The following SLC16A7 variants were observed in gnomAD, a reference collection of about 807,000 sequenced individuals.
SLC16A7 encodes solute carrier family 16 member 7, also known as monocarboxylate transporter 2.
A neutral mutation model predicts 34.9 loss-of-function variants in SLC16A7; 33 were observed. That is an observed-to-expected ratio of 0.94 (90% confidence interval 0.72 to 1.26). The LOEUF is 1.26. Among genes scored for constraint, SLC16A7 ranks in the 50% most tolerant of loss-of-function variants. The pLI, the probability that SLC16A7 is intolerant of heterozygous loss-of-function variation, is 0.00. For missense variants in SLC16A7, 573 were observed against 578.1 expected (o/e 0.99, Z 0.09); for synonymous variants, 201 against 206.6 (o/e 0.97, Z 0.23).
intron 2 of SLC16A7, among the ~76,000 whole-genome samples, chr12:59,696,857 A>G (rs1657335071): frequency 6.6e-6 from 1 of 151,982 alleles, no homozygotes; most frequent in South Asian, 2.1e-4. Flanking sequence ...ATGAAGAAGT[A>G]TGTGAGTGGC....
chr12:59,695,383 C>T (rs1872163714), intron 2 of SLC16A7, among the ~76,000 whole-genome samples: 1 of 152,010 alleles, frequency 6.6e-6, no homozygotes, highest in African/African-American at 2.4e-5. Context: ...GGGTCCGAAG[C>T]CTCCTGGTAG....
chr12:59,771,743 G>T (rs1297016699), intron 4 of SLC16A7, among the ~76,000 whole-genome samples: 1 of 152,048 alleles, frequency 6.6e-6, no homozygotes, highest in Non-Finnish European at 1.5e-5. Flanking sequence ...ATCTGCATTT[G>T]CAGTATCTGA....
rs567210880 is a variant in SLC16A7, at chr12:59,747,187, A to T, written c.218-24032A>T. Reference sequence around the variant, plus strand: ...TACCAAGAACTGGACATGCATACATATATGTGTATACATCTAATGATATAG... The same window carrying T: ...TACCAAGAACTGGACATGCATACATTTATGTGTATACATCTAATGATATAG... On this transcript the variant is annotated intron_variant, in intron 3 of 5. Transcript: ENST00000547379. Among the ~76,000 whole-genome samples the T allele has an allele frequency of 9.7e-4, 148 of 152,310 alleles. 2 individuals carry two copies. In the South Asian group the frequency reaches 0.025, roughly 26 times the overall value.
intron 3 of SLC16A7, among the ~76,000 whole-genome samples, chr12:59,718,367 A>AT (rs1376145802): frequency 6.6e-6 from 1 of 152,078 alleles, no homozygotes; most frequent in Non-Finnish European, 1.5e-5. Context: ...TATCTAAACA[A>AT]TTTTTTGCCT....
At chr12:59,685,942 T>C (rs1435222375) in intron 2 of SLC16A7, among the ~76,000 whole-genome samples, 3 of 152,072 alleles carry the variant, frequency 2.0e-5, no homozygotes, top group African/African-American at 7.2e-5. Flanking sequence ...TTATGGAAAC[T>C]AAATTGTGAT....
intron 3 of SLC16A7, among the ~76,000 whole-genome samples, chr12:59,731,367 A>G (rs1318408969): frequency 1.3e-5 from 2 of 152,202 alleles, no homozygotes; most frequent in Admixed American, 1.3e-4. Flanking sequence ...GGATATGATC[A>G]TCATTTTCCA....
chr12:59,684,293 A>G (rs1274188792), intron 2 of SLC16A7, among the ~76,000 whole-genome samples: 1 of 152,246 alleles, frequency 6.6e-6, no homozygotes, highest in African/African-American at 2.4e-5. Context: ...TAGAAAGACA[A>G]AAGACTTCAT....
chr12:59,752,465 C>A (rs898880632), intron 3 of SLC16A7, among the ~76,000 whole-genome samples: 11 of 152,048 alleles, frequency 7.2e-5, no homozygotes, highest in Admixed American at 6.6e-4. Context: ...AATGCAGAAA[C>A]CTCAGGAGCG....
intron 3 of SLC16A7, among the ~76,000 whole-genome samples, chr12:59,748,759 T>TA (rs1393373332): frequency 3.9e-5 from 6 of 152,240 alleles, no homozygotes; most frequent in African/African-American, 1.4e-4. Context: ...ACTACCTTTT[T>TA]ATCTTGTATT....
intron 3 of SLC16A7, among the ~76,000 whole-genome samples, chr12:59,738,130 G>A (rs1877818043): frequency 6.6e-6 from 1 of 152,152 alleles, no homozygotes; most frequent in South Asian, 2.1e-4. Context: ...CAACTCCACA[G>A]CAGATGTCTG....
chr12:59,758,975 T>C (rs941032132), intron 3 of SLC16A7, among the ~76,000 whole-genome samples: 1 of 151,956 alleles, frequency 6.6e-6, no homozygotes, highest in Non-Finnish European at 1.5e-5. Flanking sequence ...ATATTTTGGG[T>C]CAATCATTAG....
chr12:59,775,286 T>C lies in SLC16A7; in HGVS notation c.991T>C (p.Cys331Arg), dbSNP rs1015594264. The change falls in exon 5 of 6, where the codon TGC (cysteine) becomes CGC (arginine). Residue 331 changes from cysteine to arginine, a missense_variant. Transcript: ENST00000547379. ...IMFNGVCHLL[C>R]PLAQDYTSLV... ...GTTCAATGGAGTGTGTCACCTCTTG[T>C]GCCCACTGGCACAGGACTACACAAG... 1 of 1,614,212 alleles carries C rather than the reference T, an allele frequency of 6.2e-7. No homozygotes were observed. The highest frequency in any genetic ancestry group is 1.3e-5 in the African/African-American group (1 of 75,078).
At chr12:59,679,954 CA>C (rs1464900531) in intron 2 of SLC16A7, among the ~76,000 whole-genome samples, 2 of 152,178 alleles carry the variant, frequency 1.3e-5, no homozygotes, top group African/African-American at 4.8e-5. Context: ...AAGACCAGCA[CA>C]GTTAATATTC....
At chr12:59,615,246 T>C (rs530623954) in intron 1 of SLC16A7, among the ~76,000 whole-genome samples, 2 of 152,260 alleles carry the variant, frequency 1.3e-5, no homozygotes, top group East Asian at 3.9e-4. Flanking sequence ...GCATTCTTTA[T>C]AAATTACTCA....
intron 3 of SLC16A7, among the ~76,000 whole-genome samples, chr12:59,752,335 G>A (rs1879684133): frequency 6.6e-6 from 1 of 152,140 alleles, no homozygotes; most frequent in African/African-American, 2.4e-5. Context: ...CAAACCAAAG[G>A]CAAAGAAGTT....
intron 4 of SLC16A7, among the ~76,000 whole-genome samples, chr12:59,772,525 G>C (rs1882333550): frequency 6.6e-6 from 1 of 150,532 alleles, no homozygotes; most frequent in Admixed American, 6.6e-5. Context: ...TAAATACTTT[G>C]ATGCCCCCAA....
At chr12:59,757,481 G>T (rs181575180) in intron 3 of SLC16A7, among the ~76,000 whole-genome samples, 13 of 152,158 alleles carry the variant, frequency 8.5e-5, no homozygotes, top group African/African-American at 2.6e-4. Context: ...ATTCAAGACT[G>T]CTTTTGATTT....
Position 59,783,632 on chromosome 12 carries a change from A to C in SLC16A7, c.*3953A>C, listed in dbSNP as rs539771038. The C allele has an allele frequency of 7.1e-6, 1 of 141,568 alleles. No individual in the cohort carries two copies. Among genetic ancestry groups the C allele is most frequent in the African/African-American group, 2.9e-5 (1 of 34,628 alleles). 8.8% of individuals were successfully genotyped at this position (141,568 alleles called of 1,614,324 possible). On this transcript the variant is annotated 3_prime_UTR_variant, in exon 6 of 6. Transcript: ENST00000547379. ...GAACTGCATTTGCTAGAACCTGAATATGTAATTTCTTTCTTTCTTTCTTTT... is the reference window on the plus strand; with the variant it reads ...GAACTGCATTTGCTAGAACCTGAATCTGTAATTTCTTTCTTTCTTTCTTTT...
At chr12:59,668,599 T>TA (rs908690489) in intron 2 of SLC16A7, among the ~76,000 whole-genome samples, 1 of 152,206 alleles carries the variant, frequency 6.6e-6, no homozygotes, top group African/African-American at 2.4e-5. Context: ...TACAGGCTTA[T>TA]AGCTGGAAGA....
Sources: allele counts gnomAD v4.1 joint callset (sites outside exome capture counted in the v4.1 genomes callset), GRCh38; gene constraint gnomAD v4.1.1; transcripts MANE v1.5; gene names NCBI Gene and HGNC (gene_info 2026-07-23, HGNC 2026-07-21).